Variants in TSHZ1 observed in about 807,000 individuals in gnomAD.
The protein encoded by TSHZ1 is teashirt zinc finger homeobox 1.
Under a neutral mutation model 67.1 loss-of-function variants are expected in TSHZ1, and 12 were observed. That is an observed-to-expected ratio of 0.18 (90% CI 0.11 to 0.29). The LOEUF (loss-of-function observed/expected upper bound fraction) is 0.29, where lower values mean the gene tolerates loss of function less well. Ranked by LOEUF, TSHZ1 falls within the 10% of genes least tolerant of loss-of-function variation. The pLI is 1.00. For missense variants in TSHZ1, 1,305 were observed against 1,413.9 expected, an observed-to-expected ratio of 0.92 and a Z score of 1.23; for synonymous variants, 632 against 622.4, an observed-to-expected ratio of 1.02 and a Z score of -0.23.
intron 1 of TSHZ1, among the ~76,000 whole-genome samples, chr18:75,214,515 T>G (rs933277378): frequency 6.6e-6 from 1 of 152,238 alleles, no homozygotes; most frequent in Non-Finnish European, 1.5e-5. Context: ...TATAACATCC[T>G]GACTGTTTTT....
Position 75,265,397 on chromosome 18 carries a change from A to AT in TSHZ1, c.41-20047dup, listed in dbSNP as rs1436665248. 2.6e-5 allele frequency among the ~76,000 whole-genome samples: 4 copies of AT among 152,178 alleles called. No homozygotes were observed. The East Asian group carries it at 7.7e-4, about 29-fold the overall frequency. ...ATGAAATGCGATGCCTGCCTGACCCATTTTAGCAACCCATTATCATAATTT... is the reference window on the plus strand; with the variant it reads ...ATGAAATGCGATGCCTGCCTGACCCATTTTTAGCAACCCATTATCATAATTT... On this transcript the variant is annotated intron_variant, in intron 1 of 1. Transcript: ENST00000580243.
At chr18:75,273,144 C>T (rs539030458) in intron 1 of TSHZ1, among the ~76,000 whole-genome samples, 2 of 152,222 alleles carry the variant, frequency 1.3e-5, no homozygotes, top group Non-Finnish European at 2.9e-5. Flanking sequence ...GGAAGCCTTT[C>T]TTCTATTGTT....
chr18:75,258,376 T>C (rs889238192), intron 1 of TSHZ1, among the ~76,000 whole-genome samples: 2 of 152,234 alleles, frequency 1.3e-5, no homozygotes, highest in Non-Finnish European at 1.5e-5. Context: ...AAATCTCACA[T>C]GTAGTAACGG....
chr18:75,277,632 G>C (rs2023630866), intron 1 of TSHZ1, among the ~76,000 whole-genome samples: 1 of 152,170 alleles, frequency 6.6e-6, no homozygotes, highest in African/African-American at 2.4e-5. Context: ...GGGCAAGCCA[G>C]CTCTCTGGAG....
At chr18:75,233,474 T>C (rs956950923) in intron 1 of TSHZ1, among the ~76,000 whole-genome samples, 3 of 152,214 alleles carry the variant, frequency 2.0e-5, no homozygotes, top group Non-Finnish European at 4.4e-5. Context: ...TTAAGAAATA[T>C]AAGAAGATGG....
At chr18:75,222,966 G>A (rs2022868182) in intron 1 of TSHZ1, among the ~76,000 whole-genome samples, 1 of 152,180 alleles carries the variant, frequency 6.6e-6, no homozygotes, top group African/African-American at 2.4e-5. Flanking sequence ...TATTTGGAAT[G>A]GAGGAGATCC....
chr18:75,281,645 C>A lies in TSHZ1; in HGVS notation c.41-3803C>A, dbSNP rs1361656338. On this transcript the variant is annotated intron_variant, in intron 1 of 1. Coordinates refer to ENST00000580243, the MANE Select transcript of TSHZ1 (RefSeq NM_001308210.2). The surrounding 1 kb of genome is among the most constrained non-coding windows in gnomAD (Gnocchi z 5.3). ...GGTGAGATTGGCCAGAGAGAGGCTG[C>A]AGTAAGAACGGGCAAGAGCAGGAGG... Among the ~76,000 whole-genome samples the A allele has an allele frequency of 6.6e-6, 1 of 152,126 alleles. No homozygotes were observed. Among genetic ancestry groups the A allele is most frequent in the Non-Finnish European group, 1.5e-5 (1 of 68,014 alleles).
At chr18:75,228,734 G>A (rs542677272) in intron 1 of TSHZ1, among the ~76,000 whole-genome samples, 1 of 152,328 alleles carries the variant, frequency 6.6e-6, no homozygotes, top group South Asian at 2.1e-4. Flanking sequence ...ATACAGGATG[G>A]TGTATCCAAA....
chr18:75,213,832 T>C (rs1050943082), intron 1 of TSHZ1, among the ~76,000 whole-genome samples: 1 of 152,036 alleles, frequency 6.6e-6, no homozygotes, highest in Non-Finnish European at 1.5e-5. Context: ...CATTCTTTCC[T>C]CTACACGACA....
intron 1 of TSHZ1, among the ~76,000 whole-genome samples, chr18:75,238,574 C>A (rs1374428739): frequency 6.6e-6 from 1 of 151,584 alleles, no homozygotes; most frequent in African/African-American, 2.4e-5. Context: ...CCCCGAAGAG[C>A]CCCTCAGTAA....
At chr18:75,224,275 A>G (rs554515102) in intron 1 of TSHZ1, among the ~76,000 whole-genome samples, 9 of 152,182 alleles carry the variant, frequency 5.9e-5, no homozygotes, top group African/African-American at 1.7e-4. Flanking sequence ...TTTGATGTCT[A>G]TTGGTGACTA....
intron 1 of TSHZ1, among the ~76,000 whole-genome samples, chr18:75,222,155 G>A (rs556522048): frequency 5.6e-4 from 85 of 151,862 alleles, no homozygotes; most frequent in Non-Finnish European, 5.0e-4. Flanking sequence ...GGCGTGGCTT[G>A]TGTGCTTGGG....
At chr18:75,263,943 T>C (rs1336172701) in intron 1 of TSHZ1, among the ~76,000 whole-genome samples, 1 of 152,230 alleles carries the variant, frequency 6.6e-6, no homozygotes, top group East Asian at 1.9e-4. Flanking sequence ...ATTGTGTCTT[T>C]GCTCAAGGCT....
At chr18:75,214,006 T>TA (rs1897266719) in intron 1 of TSHZ1, among the ~76,000 whole-genome samples, 1 of 152,176 alleles carries the variant, frequency 6.6e-6, no homozygotes, top group Non-Finnish European at 1.5e-5. Context: ...AAGTGTCCTG[T>TA]GTTTTGAAGT....
intron 1 of TSHZ1, among the ~76,000 whole-genome samples, chr18:75,271,211 A>G (rs2023552682): frequency 6.6e-6 from 1 of 152,118 alleles, no homozygotes; most frequent in Non-Finnish European, 1.5e-5. Context: ...ATATCCTTAG[A>G]CTAGGAATTG....
At position 75,286,462 on chromosome 18, in the gene TSHZ1, A is replaced by G. The variant is rs1311867732; in HGVS notation, c.1055A>G (p.Lys352Arg). 2 of 1,614,084 alleles carry G rather than the reference A, an allele frequency of 1.2e-6. No individual in the cohort carries two copies. Among genetic ancestry groups the G allele is most frequent in the Non-Finnish European group, 1.7e-6 (2 of 1,180,044 alleles). Residue 352 changes from lysine (K) to arginine (R), a missense_variant, in exon 2 of 2, where the codon AAA becomes AGA. This residue lies in a region of TSHZ1 where 909 missense variants were observed against 961.8 expected (regional missense o/e 0.95). Transcript: ENST00000580243. The surrounding 1 kb of genome is among the most constrained non-coding windows in gnomAD (Gnocchi z 5.1). ...ATCACCAAACTGGTCCCCTCCACCA[A>G]AAAGCGGGCGCTTCAGGACCTGGCG... ...PAITKLVPST[K>R]KRALQDLAPP... is the part of the protein sequence containing the mutation.
At chr18:75,255,834 CA>C (rs1410079186) in intron 1 of TSHZ1, among the ~76,000 whole-genome samples, 1 of 152,174 alleles carries the variant, frequency 6.6e-6, no homozygotes, top group Non-Finnish European at 1.5e-5. Context: ...TTCTTGTACT[CA>C]GGAAGAGACT....
At chr18:75,245,699 G>T (rs2023213085) in intron 1 of TSHZ1, among the ~76,000 whole-genome samples, 1 of 152,148 alleles carries the variant, frequency 6.6e-6, no homozygotes, top group Non-Finnish European at 1.5e-5. Flanking sequence ...CAGATTTTGT[G>T]TTTCACATCC....
intron 1 of TSHZ1, among the ~76,000 whole-genome samples, chr18:75,253,961 T>G (rs60291124): frequency 0.012 from 1,818 of 152,362 alleles, 31 homozygotes; most frequent in African/African-American, 0.042. Context: ...TATTTGCCAC[T>G]GCACAGGCCT....
Sources: allele counts gnomAD v4.1 joint callset (sites outside exome capture counted in the v4.1 genomes callset), GRCh38; gene constraint gnomAD v4.1.1; regional missense constraint gnomAD v4.1.1; non-coding constraint Gnocchi (gnomAD v3.1); transcripts MANE v1.5; gene names NCBI Gene and HGNC (gene_info 2026-07-23, HGNC 2026-07-21).